Variants in TANC2 observed in about 807,000 individuals in gnomAD.
The protein encoded by TANC2 is protein TANC2.
TANC2 carries 26 observed loss-of-function variants against 210.5 expected under a neutral mutation model. The observed-to-expected ratio is 0.12, with a 90% confidence interval of 0.09 to 0.17. The LOEUF (loss-of-function observed/expected upper bound fraction) is 0.17. Ranked by LOEUF, TANC2 falls within the 10% of genes least tolerant of loss-of-function variation. The pLI is 1.00. For synonymous variants in TANC2, 931 were observed against 967.1 expected, an observed-to-expected ratio of 0.96 and a Z score of 0.69; for missense variants, 2,129 against 2,608.9, an observed-to-expected ratio of 0.82 and a Z score of 4.01.
At chr17:63,175,533 C>CAA (rs57220783) in intron 5 of TANC2, among the ~76,000 whole-genome samples, 83 of 103,282 alleles carry the variant, frequency 8.0e-4, no homozygotes, top group East Asian at 1.3e-3. Context: ...TCTCCCCCGC[C>CAA]AAAAAAAAAA....
intron 3 of TANC2, among the ~76,000 whole-genome samples, chr17:63,097,985 C>T (rs2037452852): frequency 6.6e-6 from 1 of 152,036 alleles, no homozygotes; most frequent in Non-Finnish European, 1.5e-5. Flanking sequence ...TAATTTCATT[C>T]CTCTGCTAAA....
At chr17:63,082,103 G>C (rs573168926) in intron 3 of TANC2, among the ~76,000 whole-genome samples, 1 of 152,106 alleles carries the variant, frequency 6.6e-6, no homozygotes, top group Non-Finnish European at 1.5e-5. Context: ...CCCGGGAGGC[G>C]GAGCTTGCAG....
At chr17:63,374,919 G>A (rs896626671) in intron 14 of TANC2, among the ~76,000 whole-genome samples, 1 of 152,132 alleles carries the variant, frequency 6.6e-6, no homozygotes, top group African/African-American at 2.4e-5. Context: ...AAAATGAAGA[G>A]AATGAGATAC....
chr17:63,262,621 G>A (rs939983160), intron 8 of TANC2, among the ~76,000 whole-genome samples: 1 of 145,668 alleles, frequency 6.9e-6, no homozygotes, highest in Admixed American at 6.9e-5. Flanking sequence ...TGAATCCCTA[G>A]TAGTCCTCTT....
intron 2 of TANC2, among the ~76,000 whole-genome samples, chr17:63,026,055 C>T (rs746091566): frequency 6.6e-6 from 1 of 151,926 alleles, no homozygotes. Context: ...TGTTAGTTAG[C>T]TCCCTTACTT....
At chr17:63,223,536 A>G (rs1448917034) in intron 7 of TANC2, among the ~76,000 whole-genome samples, 1 of 152,024 alleles carries the variant, frequency 6.6e-6, no homozygotes, top group Non-Finnish European at 1.5e-5. Flanking sequence ...TGCAGTGTAC[A>G]TTGCTGGTTA....
intron 7 of TANC2, among the ~76,000 whole-genome samples, chr17:63,226,998 A>G (rs762416369): frequency 2.6e-5 from 4 of 152,058 alleles, no homozygotes; most frequent in Non-Finnish European, 4.4e-5. Flanking sequence ...TATCTAGTCT[A>G]TCATTTATGG....
chr17:63,419,864 CAACTAAACCG>C, intron 27 of TANC2, 125 bp from the exon 28 acceptor site: 1 of 1,044,392 alleles, frequency 9.6e-7, no homozygotes, highest in Admixed American at 2.9e-5. Flanking sequence ...CCTATAAATC[CAACTAAACCG>C]AAATACCCCA....
chr17:63,325,325 G>C (rs1314251580), intron 11 of TANC2, among the ~76,000 whole-genome samples: 1 of 152,140 alleles, frequency 6.6e-6, no homozygotes, highest in African/African-American at 2.4e-5. Context: ...TCAGTTCCTT[G>C]AAAGTAAAAA....
intron 2 of TANC2, among the ~76,000 whole-genome samples, chr17:63,010,156 ATGTT>A (rs769380962): frequency 6.9e-4 from 105 of 152,262 alleles, no homozygotes; most frequent in Non-Finnish European, 1.3e-3. Flanking sequence ...ATGTATTAGA[ATGTT>A]TGTTTTTTAT....
intron 9 of TANC2, among the ~76,000 whole-genome samples, chr17:63,268,101 G>A (rs1470236593): frequency 6.6e-6 from 1 of 152,150 alleles, no homozygotes; most frequent in Non-Finnish European, 1.5e-5. Flanking sequence ...ACATTTGGAA[G>A]CATTAGTTCC....
chr17:63,391,631 T>G (rs755054943), intron 17 of TANC2: 1 of 152,126 alleles, frequency 6.6e-6, no homozygotes, highest in Non-Finnish European at 1.5e-5. Flanking sequence ...GCTGCTCTTT[T>G]AAAAGTCACT....
intron 2 of TANC2, among the ~76,000 whole-genome samples, chr17:63,033,984 A>G (rs1422194492): frequency 6.6e-6 from 1 of 152,190 alleles, no homozygotes; most frequent in Non-Finnish European, 1.5e-5. Flanking sequence ...ATCACCTTAC[A>G]GGTTACATCA....
At chr17:63,255,101 TTATTTTTA>T (rs1033158252) in intron 8 of TANC2, among the ~76,000 whole-genome samples, 4 of 143,856 alleles carry the variant, frequency 2.8e-5, no homozygotes, top group African/African-American at 8.1e-5. Context: ...ATTTATTTAT[TTATTTTTA>T]TTTATTTATT....
At chr17:63,108,871 A>G (rs1038162197) in intron 4 of TANC2, among the ~76,000 whole-genome samples, 3 of 151,458 alleles carry the variant, frequency 2.0e-5, no homozygotes, top group Non-Finnish European at 4.4e-5. Flanking sequence ...ATAGTTGGCC[A>G]TAAAGAAATC....
At chr17:63,301,578 A>G (rs947759973) in intron 9 of TANC2, among the ~76,000 whole-genome samples, 5 of 152,132 alleles carry the variant, frequency 3.3e-5, no homozygotes, top group African/African-American at 9.7e-5. Context: ...AGGTGTTTAT[A>G]CTATTCTCTG....
chr17:63,260,104 A>G (rs2043313028), intron 8 of TANC2, among the ~76,000 whole-genome samples: 1 of 152,218 alleles, frequency 6.6e-6, no homozygotes, highest in South Asian at 2.1e-4. Context: ...AAGCTTTTAA[A>G]AAGAGATTTA....
chr17:62,976,320 A>G (rs2031998892), intron 1 of TANC2, among the ~76,000 whole-genome samples: 1 of 152,116 alleles, frequency 6.6e-6, no homozygotes, highest in Admixed American at 6.5e-5. Flanking sequence ...TTTTTTGTGA[A>G]TAATAACTTG....
intron 3 of TANC2, among the ~76,000 whole-genome samples, chr17:63,092,651 C>T (rs985540718): frequency 3.2e-4 from 48 of 151,924 alleles, no homozygotes; most frequent in Admixed American, 1.2e-3. Context: ...ATGGGGAAGC[C>T]ACCTTCTCAC....
Sources: gnomAD v4.1 joint callset for allele counts (sites outside exome capture counted in the v4.1 genomes callset) on GRCh38, gnomAD v4.1.1 for gene constraint, MANE v1.5 for transcripts, NCBI Gene and HGNC (gene_info 2026-07-23, HGNC 2026-07-21) for gene names.